The following DPYD variants were observed in gnomAD, a reference collection of about 807,000 sequenced individuals.
DPYD encodes dihydropyrimidine dehydrogenase [NADP(+)].
A neutral mutation model predicts 116.2 loss-of-function variants in DPYD; 109 were observed. That is an observed-to-expected ratio of 0.94 (90% CI 0.80 to 1.10). The LOEUF is 1.10. DPYD is among the 50% of genes least tolerant of loss of function. The probability of loss-of-function intolerance (pLI) is 0.00; values close to 1 mark genes in which losing one functional copy is unlikely to be tolerated. For missense variants in DPYD, 1,302 were observed against 1,254.5 expected (o/e 1.04, Z -0.57); for synonymous variants, 440 against 432.0 (o/e 1.02, Z -0.23).
At chr1:97,414,740 A>C (rs755130905) in intron 14 of DPYD, among the ~76,000 whole-genome samples, 11 of 152,230 alleles carry the variant, frequency 7.2e-5, no homozygotes, top group Non-Finnish European at 8.8e-5. Flanking sequence ...AAGTCTTTCT[A>C]GGTGCGAAAT....
At chr1:97,406,321 A>G (rs1263621859) in intron 14 of DPYD, among the ~76,000 whole-genome samples, 1 of 143,176 alleles carries the variant, frequency 7.0e-6, no homozygotes, top group Non-Finnish European at 1.5e-5. Flanking sequence ...ATTTTTAAGT[A>G]TATCTTATTT....
chr1:97,477,604 CTTTTTTT>C (rs56199931), intron 13 of DPYD, among the ~76,000 whole-genome samples: 12 of 113,652 alleles, frequency 1.1e-4, no homozygotes, highest in African/African-American at 4.1e-4. Flanking sequence ...GACTGTTCTT[CTTTTTTT>C]TTTTTTTTTT....
chr1:97,598,087 T>A (rs1427368960), intron 8 of DPYD, among the ~76,000 whole-genome samples: 1 of 152,158 alleles, frequency 6.6e-6, no homozygotes, highest in Admixed American at 6.5e-5. Flanking sequence ...TTAAGATAGG[T>A]TTATTCTATA....
At chr1:97,333,643 C>G (rs949720658) in intron 16 of DPYD, among the ~76,000 whole-genome samples, 5 of 151,070 alleles carry the variant, frequency 3.3e-5, no homozygotes, top group Admixed American at 1.3e-4. Context: ...GCCTCAGCCT[C>G]CCGAGTAGCC....
chr1:97,780,418 T>A (rs937170642), intron 3 of DPYD, among the ~76,000 whole-genome samples: 11 of 152,292 alleles, frequency 7.2e-5, no homozygotes, highest in African/African-American at 1.9e-4. Context: ...ATAAATTTTT[T>A]AAAAAGTCAT....
intron 20 of DPYD, among the ~76,000 whole-genome samples, chr1:97,107,541 C>CA (rs1651259666): frequency 6.6e-6 from 1 of 152,082 alleles, no homozygotes; most frequent in Non-Finnish European, 1.5e-5. Flanking sequence ...CCATCATCAT[C>CA]ACCTTCACGA....
chr1:97,794,792 AG>A (rs1488332179), intron 3 of DPYD, among the ~76,000 whole-genome samples: 1 of 152,184 alleles, frequency 6.6e-6, no homozygotes, highest in African/African-American at 2.4e-5. Context: ...ATTTCAGGGC[AG>A]GGTACATAGA....
At chr1:97,583,178 C>T (rs1300151714) in intron 10 of DPYD, among the ~76,000 whole-genome samples, 1 of 152,100 alleles carries the variant, frequency 6.6e-6, no homozygotes, top group African/African-American at 2.4e-5. Flanking sequence ...ACTGTGTTAG[C>T]CAGGATGGTC....
intron 14 of DPYD, among the ~76,000 whole-genome samples, chr1:97,391,613 A>G (rs977301855): frequency 4.6e-5 from 7 of 151,998 alleles, no homozygotes; most frequent in Admixed American, 3.3e-4. Context: ...TATTTTCCAA[A>G]TATCTCCAGG....
intron 12 of DPYD, chr1:97,546,987 T>G (rs1650924081): frequency 2.5e-6 from 4 of 1,596,474 alleles, no homozygotes; most frequent in South Asian, 1.1e-5. Context: ...TGGACCATAG[T>G]GTTTGCACAT....
At chr1:97,219,265 T>C (rs1312850885) in intron 19 of DPYD, among the ~76,000 whole-genome samples, 1 of 152,200 alleles carries the variant, frequency 6.6e-6, no homozygotes, top group Non-Finnish European at 1.5e-5. Flanking sequence ...CTGTGAAATG[T>C]ATTTTTGTGG....
chr1:97,120,981 G>A (rs1452858765), intron 20 of DPYD, among the ~76,000 whole-genome samples: 1 of 152,192 alleles, frequency 6.6e-6, no homozygotes, highest in African/African-American at 2.4e-5. Context: ...AGAGTTCTAA[G>A]TAATAAATAA....
intron 8 of DPYD, among the ~76,000 whole-genome samples, chr1:97,613,227 T>C (rs1656057655): frequency 6.6e-6 from 1 of 152,008 alleles, no homozygotes; most frequent in African/African-American, 2.4e-5. Context: ...ACTAATTGAA[T>C]GTAAAGTCTA....
In DPYD at chr1:97,679,171, A is replaced by G; in HGVS notation, c.774T>C (p.Gly258=). 1 of 1,564,190 alleles carries G rather than the reference A, an allele frequency of 6.4e-7. No homozygotes were observed. Among genetic ancestry groups the G allele is most frequent in the Non-Finnish European group, 8.7e-7 (1 of 1,145,426 alleles). The change falls in exon 8 of 23, where the codon GGT becomes GGC. Residue 258 remains glycine, a synonymous_variant. Transcript: ENST00000370192. The part of the protein sequence containing the change: ...MKDLGVKIIC[G]KSLSVNEMTL... ...TCATTTCATTCACTGAAAGGCTTTT[A>G]CCGCAAATTATCTATAAGAAACAAT...
At chr1:97,826,852 A>G (rs1378090163) in intron 3 of DPYD, among the ~76,000 whole-genome samples, 1 of 152,046 alleles carries the variant, frequency 6.6e-6, no homozygotes, top group Non-Finnish European at 1.5e-5. Context: ...ATTAGTAAAG[A>G]CATTAACAAT....
intron 19 of DPYD, among the ~76,000 whole-genome samples, chr1:97,203,675 A>C (rs56844906): frequency 0.056 from 760 of 13,574 alleles, 44 homozygotes; most frequent in East Asian, 0.46. Flanking sequence ...CCCCCCCCCC[A>C]AAAAAAAAAA....
Position 97,289,943 on chromosome 1 carries a change from T to C in DPYD, c.2299+15316A>G, listed in dbSNP as rs1330674386. Among the ~76,000 whole-genome samples the C allele has an allele frequency of 7.9e-5, 12 of 152,052 alleles. No homozygotes were observed. The South Asian group carries it at 1.0e-3, about 13-fold the overall frequency. On this transcript the variant is annotated intron_variant, in intron 18 of 22. Coordinates refer to ENST00000370192, the MANE Select transcript of DPYD (RefSeq NM_000110.4). Reference sequence around the variant, plus strand: ...TGACTGTATATCTAGAAAACCCCATTGTCTCAGCCCAAAATCTCCTTAAGC... The same window carrying C: ...TGACTGTATATCTAGAAAACCCCATCGTCTCAGCCCAAAATCTCCTTAAGC...
At chr1:97,218,275 A>C (rs1049346142) in intron 19 of DPYD, among the ~76,000 whole-genome samples, 2 of 152,174 alleles carry the variant, frequency 1.3e-5, no homozygotes, top group African/African-American at 4.8e-5. Context: ...TAATCCTTAA[A>C]TTTACACAAA....
At chr1:97,393,196 T>A (rs186232859) in intron 14 of DPYD, among the ~76,000 whole-genome samples, 1 of 152,040 alleles carries the variant, frequency 6.6e-6, no homozygotes, top group Admixed American at 6.6e-5. Flanking sequence ...CTAATCTTAA[T>A]CATTTCTAGC....
Sources: gnomAD v4.1 joint callset for allele counts (sites outside exome capture counted in the v4.1 genomes callset) on GRCh38, gnomAD v4.1.1 for gene constraint, MANE v1.5 for transcripts, NCBI Gene and HGNC (gene_info 2026-07-23, HGNC 2026-07-21) for gene names.